The following SORT1 variants were observed in gnomAD, a reference collection of about 807,000 sequenced individuals.
SORT1 encodes sortilin.
A neutral mutation model predicts 101.7 loss-of-function variants in SORT1; 39 were observed. The ratio of observed to expected loss-of-function variants is 0.38; its 90% confidence interval spans 0.30 to 0.50. The LOEUF is 0.50. SORT1 is among the 20% of genes least tolerant of loss of function. SORT1 has a pLI of 0.90. For missense variants in SORT1, 878 were observed against 1,040.4 expected (o/e 0.84, Z 2.15); for synonymous variants, 396 against 393.7 (o/e 1.01, Z -0.07).
Position 109,341,939 on chromosome 1 carries a change from C to T in SORT1, c.1108+75G>A, listed in dbSNP as rs1649255596. The T allele has an allele frequency of 5.0e-6, 7 of 1,401,880 alleles. No individual in the cohort carries two copies. In the African/African-American group the frequency reaches 5.7e-5, roughly 11 times the overall value. 86.8% of individuals were successfully genotyped at this position (1,401,880 alleles called of 1,614,324 possible). A position where few individuals can be genotyped will look rare whatever the true frequency, so the allele number is the denominator to read the frequency against. ...AATTTCTAGGGGTAAGAGGAAAACT[C>T]GACATGTAAAAATAAAAGCTGCTCA... On this transcript the variant is annotated intron_variant, in intron 9 of 19. Coordinates refer to ENST00000256637, the MANE Select transcript of SORT1 (RefSeq NM_002959.7).
At chr1:109,324,668 T>C (rs750035302) in intron 14 of SORT1, among the ~76,000 whole-genome samples, 17 of 152,218 alleles carry the variant, frequency 1.1e-4, no homozygotes, top group Non-Finnish European at 2.2e-4. Flanking sequence ...ACAGAATAAT[T>C]TAAATGACAT....
chr1:109,384,986 G>A (rs1433233060), intron 1 of SORT1, among the ~76,000 whole-genome samples: 1 of 152,122 alleles, frequency 6.6e-6, no homozygotes, highest in African/African-American at 2.4e-5. Flanking sequence ...GCAGAGGCAC[G>A]AGAATCCCTT....
intron 1 of SORT1, among the ~76,000 whole-genome samples, chr1:109,380,748 G>A (rs190423378): frequency 1.4e-4 from 20 of 148,124 alleles, no homozygotes; most frequent in Non-Finnish European, 2.7e-4. Flanking sequence ...AGGCCAAGGC[G>A]GGAGGATCAC....
chr1:109,313,714 T>C lies in SORT1; in HGVS notation c.*329A>G, dbSNP rs1658857742. On this transcript the variant is annotated 3_prime_UTR_variant, in exon 20 of 20. Coordinates refer to ENST00000256637, the MANE Select transcript of SORT1 (RefSeq NM_002959.7). ...GCAGAACACACAGAAGTGGGGTTAG[T>C]GAAAAGGTCCCTTCGAATTCCATTT... 2 of 359,040 alleles carry C rather than the reference T, an allele frequency of 5.6e-6. No individual in the cohort carries two copies. Among genetic ancestry groups the C allele is most frequent in the Non-Finnish European group, 1.0e-5 (2 of 196,004 alleles). 22.2% of individuals were successfully genotyped at this position (359,040 alleles called of 1,614,324 possible).
chr1:109,392,336 A>AGTTTCCT (rs1652964057), intron 1 of SORT1, among the ~76,000 whole-genome samples: 1 of 152,214 alleles, frequency 6.6e-6, no homozygotes. Flanking sequence ...TGTTGACGAG[A>AGTTTCCT]GTTGACTGGA....
intron 3 of SORT1, among the ~76,000 whole-genome samples, chr1:109,364,203 C>T (rs182113814): frequency 2.0e-5 from 3 of 152,056 alleles, no homozygotes; most frequent in African/African-American, 4.8e-5. Flanking sequence ...GGGTTTTTCA[C>T]AAGACTAGAC....
intron 17 of SORT1, among the ~76,000 whole-genome samples, chr1:109,315,806 G>A (rs1658998050): frequency 6.8e-6 from 1 of 146,198 alleles, no homozygotes; most frequent in South Asian, 2.2e-4. Context: ...CACCCAGGCT[G>A]GAGTGCAGTG....
At chr1:109,318,635 T>C (rs1300319536) in intron 15 of SORT1, among the ~76,000 whole-genome samples, 2 of 152,068 alleles carry the variant, frequency 1.3e-5, no homozygotes, top group Non-Finnish European at 2.9e-5. Context: ...TCAGGGATAC[T>C]TGGCAATTCT....
chr1:109,327,405 T>A (rs1648148116), intron 12 of SORT1, 94 bp downstream of exon 12: 1 of 803,790 alleles, frequency 1.2e-6, no homozygotes, highest in African/African-American at 1.7e-5. Flanking sequence ...AGCATCCACA[T>A]TGTTTCTTCT....
chr1:109,333,560 CAAAT>C (rs1648599513), intron 11 of SORT1, among the ~76,000 whole-genome samples: 2 of 152,114 alleles, frequency 1.3e-5, no homozygotes, highest in South Asian at 4.2e-4. Flanking sequence ...AGCAAGAAAA[CAAAT>C]AATCCAACTA....
At chr1:109,318,719 G>T (rs1417390300) in intron 15 of SORT1, among the ~76,000 whole-genome samples, 2 of 152,098 alleles carry the variant, frequency 1.3e-5, no homozygotes, top group African/African-American at 4.8e-5. Context: ...GAGTACAGCG[G>T]CATGAACACT....
rs1335938113 is a variant in SORT1, at chr1:109,327,171, A to G, written c.1475-11T>C. The G allele has an allele frequency of 3.7e-6, 6 of 1,605,386 alleles. No homozygotes were observed. Among genetic ancestry groups the G allele is most frequent in the Non-Finnish European group, 5.1e-6 (6 of 1,173,394 alleles). On this transcript the variant is annotated splice_polypyrimidine_tract_variant and intron_variant, in intron 12 of 19. Coordinates refer to ENST00000256637, the MANE Select transcript of SORT1 (RefSeq NM_002959.7). ...CATCCCCCACGCTACCTGCAATATAATCCACCATCTCATTAGCACAAATAG... is the reference window on the plus strand; with the variant it reads ...CATCCCCCACGCTACCTGCAATATAGTCCACCATCTCATTAGCACAAATAG...
In SORT1 at chr1:109,325,017, T is replaced by C. The variant is rs769724550; in HGVS notation, c.1716A>G (p.Leu572=). 2.5e-6 allele frequency: 4 copies of C among 1,613,842 alleles called. No individual in the cohort carries two copies. The highest frequency in any genetic ancestry group is 1.1e-5 in the South Asian group (1 of 91,078). ...TGGACCTAGCTCCAGGTTCTGAAGCTAGGCCAGTGAAATAGATGGGGTCCC... is the reference window on the plus strand; with the variant it reads ...TGGACCTAGCTCCAGGTTCTGAAGCCAGGCCAGTGAAATAGATGGGGTCCC... ...FTRDPIYFTG[L]ASEPGARSMN... Residue 572 remains leucine, a synonymous_variant, in exon 14 of 20, where the codon CTA becomes CTG. Transcript: ENST00000256637.
rs968639904 is a variant in SORT1, at chr1:109,311,917, G to A, written c.*2126C>T. ...ACACACACGGGGACCCTGAACAACT[G>A]ACTCCATCCCAAGAACATTGTGAGG... On this transcript the variant is annotated 3_prime_UTR_variant, in exon 20 of 20. Coordinates refer to ENST00000256637, the MANE Select transcript of SORT1 (RefSeq NM_002959.7). 3.3e-5 allele frequency: 5 copies of A among 152,634 alleles called. No individual in the cohort carries two copies. The highest frequency in any genetic ancestry group is 9.6e-5 in the African/African-American group (4 of 41,456). 9.5% of individuals were successfully genotyped at this position (152,634 alleles called of 1,614,324 possible).
At position 109,314,227 on chromosome 1, in the gene SORT1, G is replaced by T. The variant is rs766071017; in HGVS notation, c.2481+34C>A. ...TTATTTTCTTGTATTTTTTGGGGGG[G>T]GGGGTACTACCATTCAAGAAGAAAT... On this transcript the variant is annotated intron_variant, in intron 19 of 19. Coordinates refer to ENST00000256637, the MANE Select transcript of SORT1 (RefSeq NM_002959.7). The T allele has an allele frequency of 8.9e-6, 13 of 1,463,846 alleles. No homozygotes were observed. In the East Asian group the frequency reaches 1.7e-4, roughly 19 times the overall value. 90.7% of individuals were successfully genotyped at this position (1,463,846 alleles called of 1,614,324 possible). A position where few individuals can be genotyped will look rare whatever the true frequency, so the allele number is the denominator to read the frequency against.
At chr1:109,320,784 T>C (rs900468535) in intron 15 of SORT1, among the ~76,000 whole-genome samples, 2 of 152,254 alleles carry the variant, frequency 1.3e-5, no homozygotes, top group Non-Finnish European at 2.9e-5. Flanking sequence ...TTGGGGAATA[T>C]ATGGATGCTG....
At chr1:109,351,127 C>T in intron 5 of SORT1, 125 bp from the exon 6 acceptor site, 1 of 739,270 alleles carries the variant, frequency 1.4e-6, no homozygotes. Flanking sequence ...TCCATCAGAG[C>T]TGCCCGAGCT....
intron 11 of SORT1, 45 bp from the exon 12 acceptor site, chr1:109,327,646 T>A (rs1045936473): frequency 7.9e-7 from 1 of 1,265,192 alleles, no homozygotes; most frequent in Admixed American, 2.3e-5. Context: ...AAGATAAAGA[T>A]ACAATTTCTT....
intron 5 of SORT1, among the ~76,000 whole-genome samples, chr1:109,352,129 G>A (rs1570938583): frequency 6.6e-6 from 1 of 152,136 alleles, no homozygotes; most frequent in African/African-American, 2.4e-5. Context: ...TGAGAGAAGA[G>A]TAGGGAGGAA....
Sources: gnomAD v4.1 joint callset for allele counts (sites outside exome capture counted in the v4.1 genomes callset) on GRCh38, gnomAD v4.1.1 for gene constraint, MANE v1.5 for transcripts, NCBI Gene and HGNC (gene_info 2026-07-23, HGNC 2026-07-21) for gene names.